Variants in CTNNA2 observed in about 807,000 individuals in gnomAD.
CTNNA2 encodes catenin alpha 2.
CTNNA2 carries 42 observed loss-of-function variants against 101.0 expected under a neutral mutation model. The ratio of observed to expected loss-of-function variants is 0.42; its 90% CI spans 0.32 to 0.54. CTNNA2 has a LOEUF of 0.54. Among genes scored for constraint, CTNNA2 ranks in the 20% least tolerant of loss-of-function variants. The pLI is 0.14. For missense variants in CTNNA2, 871 were observed against 1,223.1 expected (o/e 0.71, Z 4.29); for synonymous variants, 450 against 456.4 (o/e 0.99, Z 0.18).
At chr2:80,125,396 C>A (rs1408900773) in intron 7 of CTNNA2, among the ~76,000 whole-genome samples, 1 of 152,164 alleles carries the variant, frequency 6.6e-6, no homozygotes, top group African/African-American at 2.4e-5. Flanking sequence ...CAAGGACTAT[C>A]TCTGATGCAG....
At chr2:80,072,116 T>C (rs776080511) in intron 7 of CTNNA2, among the ~76,000 whole-genome samples, 3 of 152,192 alleles carry the variant, frequency 2.0e-5, no homozygotes, top group Non-Finnish European at 2.9e-5. Context: ...ACACTGGCTT[T>C]AAAAATAGTG....
intron 11 of CTNNA2, among the ~76,000 whole-genome samples, chr2:80,549,240 C>A (rs967671768): frequency 6.6e-6 from 1 of 152,124 alleles, no homozygotes; most frequent in Admixed American, 6.5e-5. Context: ...CAGTTTAATT[C>A]TTGGATTTGG....
Position 79,466,200 on chromosome 2 carries a change from T to C in CTNNA2, c.-134-38854T>C, listed in dbSNP as rs187164461. On this transcript the variant is annotated intron_variant, in intron 4 of 21. Coordinates refer to the CTNNA2 transcript ENST00000466387. Reference sequence around the variant, plus strand: ...TCACTCCCACCCTAATACTGCGCTTTTCCAATGGTCTTAGCACACCAGGAG... The same window carrying C: ...TCACTCCCACCCTAATACTGCGCTTCTCCAATGGTCTTAGCACACCAGGAG... Among the ~76,000 whole-genome samples the C allele has an allele frequency of 1.2e-3, 186 of 152,314 alleles. 1 individual carries two copies. In the Middle Eastern group the frequency reaches 0.017, roughly 14 times the overall value.
chr2:80,337,328 C>T (rs776288488), intron 7 of CTNNA2, among the ~76,000 whole-genome samples: 3 of 151,762 alleles, frequency 2.0e-5, no homozygotes, highest in Non-Finnish European at 4.4e-5. Flanking sequence ...GCACTCTAGC[C>T]TGGGCAACAG....
chr2:79,715,440 G>C (rs1256732878), intron 2 of CTNNA2, among the ~76,000 whole-genome samples: 1 of 152,052 alleles, frequency 6.6e-6, no homozygotes, highest in Non-Finnish European at 1.5e-5. Context: ...ATCTTCCAAT[G>C]AATAAAGCTA....
chr2:79,729,874 A>G (rs1687094521), intron 2 of CTNNA2, among the ~76,000 whole-genome samples: 1 of 152,122 alleles, frequency 6.6e-6, no homozygotes, highest in Admixed American at 6.6e-5. Flanking sequence ...TTAATGGAAG[A>G]ATAATAATGT....
intron 2 of CTNNA2, among the ~76,000 whole-genome samples, chr2:79,658,852 G>A (rs17017430): frequency 0.058 from 8,843 of 151,996 alleles, 403 homozygotes; most frequent in East Asian, 0.2. Flanking sequence ...AGCAATGTTC[G>A]TGGGGCCCTG....
intron 7 of CTNNA2, among the ~76,000 whole-genome samples, chr2:80,272,965 T>G (rs754404026): frequency 2.0e-5 from 3 of 152,134 alleles, no homozygotes; most frequent in Non-Finnish European, 4.4e-5. Context: ...GAATCTCTGT[T>G]GGTAGAACTT....
intron 3 of CTNNA2, among the ~76,000 whole-genome samples, chr2:79,770,228 T>G (rs1391962909): frequency 6.6e-6 from 1 of 152,108 alleles, no homozygotes; most frequent in Non-Finnish European, 1.5e-5. Flanking sequence ...ATGCTGAGGT[T>G]GAGAAATGCT....
At chr2:79,635,692 C>T (rs942737149) in intron 1 of CTNNA2, among the ~76,000 whole-genome samples, 4 of 150,640 alleles carry the variant, frequency 2.7e-5, no homozygotes, top group Admixed American at 2.0e-4. Flanking sequence ...TTAGTAGAGA[C>T]GGGGTTTCAA....
chr2:79,413,884 AG>A, intron 4 of CTNNA2, among the ~76,000 whole-genome samples: 1 of 144,550 alleles, frequency 6.9e-6, no homozygotes, highest in African/African-American at 2.5e-5. Flanking sequence ...TCTCTATTGA[AG>A]TTCCTTGTCT....
intron 7 of CTNNA2, among the ~76,000 whole-genome samples, chr2:80,257,986 A>G (rs1177551604): frequency 1.3e-5 from 2 of 152,248 alleles, no homozygotes; most frequent in African/African-American, 4.8e-5. Context: ...AAGGTTGCAC[A>G]CTGCGCAAAG....
intron 7 of CTNNA2, among the ~76,000 whole-genome samples, chr2:80,360,560 A>G (rs558272445): frequency 2.0e-5 from 3 of 152,214 alleles, no homozygotes; most frequent in South Asian, 4.1e-4. Context: ...ATTTTAGGTC[A>G]TAATACTAAC....
At chr2:80,459,868 A>G (rs1044225316) in intron 9 of CTNNA2, among the ~76,000 whole-genome samples, 32 of 152,100 alleles carry the variant, frequency 2.1e-4, no homozygotes, top group Middle Eastern at 3.2e-3. Context: ...TGGTGTAAGC[A>G]TAGGTGGGCC....
At chr2:80,185,096 A>G (rs1301551431) in intron 7 of CTNNA2, among the ~76,000 whole-genome samples, 3 of 152,182 alleles carry the variant, frequency 2.0e-5, no homozygotes, top group Admixed American at 6.5e-5. Context: ...TCTCTCATGT[A>G]AGGTGTCTCA....
At chr2:79,860,697 T>C (rs1193816664) in intron 4 of CTNNA2, among the ~76,000 whole-genome samples, 1 of 152,142 alleles carries the variant, frequency 6.6e-6, no homozygotes, top group Non-Finnish European at 1.5e-5. Context: ...GCAGTGTCTG[T>C]AGCAAACAGC....
intron 7 of CTNNA2, among the ~76,000 whole-genome samples, chr2:80,040,972 C>A (rs1326951390): frequency 1.3e-5 from 2 of 152,022 alleles, no homozygotes; most frequent in Non-Finnish European, 2.9e-5. Flanking sequence ...GAGTGAATTA[C>A]AGTCAATCCA....
At chr2:79,932,747 A>G (rs1477003374) in intron 7 of CTNNA2, among the ~76,000 whole-genome samples, 1 of 152,176 alleles carries the variant, frequency 6.6e-6, no homozygotes, top group Non-Finnish European at 1.5e-5. Context: ...AATATTGAAA[A>G]ACTAGATCCT....
intron 2 of CTNNA2, among the ~76,000 whole-genome samples, chr2:79,232,272 A>T (rs1396385851): frequency 6.6e-6 from 1 of 152,242 alleles, no homozygotes; most frequent in Middle Eastern, 3.4e-3. Flanking sequence ...ATGAAGAATG[A>T]TTGATTTTAT....
Sources: allele counts gnomAD v4.1 joint callset (sites outside exome capture counted in the v4.1 genomes callset), GRCh38; gene constraint gnomAD v4.1.1; transcripts MANE v1.5; gene names NCBI Gene and HGNC (gene_info 2026-07-23, HGNC 2026-07-21).